The following C1QTNF9 variants were observed in gnomAD, a reference collection of about 807,000 sequenced individuals.
The protein encoded by C1QTNF9 is C1q and TNF related 9.
Under a neutral mutation model 10.1 loss-of-function variants are expected in C1QTNF9, and 6 were observed. The ratio of observed to expected loss-of-function variants is 0.59; its 90% CI spans 0.32 to 1.17. The LOEUF is 1.17. Among genes scored for constraint, C1QTNF9 ranks in the 50% most tolerant of loss-of-function variants. The pLI is 0.04. For missense variants in C1QTNF9, 201 were observed against 418.8 expected, an observed-to-expected ratio of 0.48 and a Z score of 4.54; for synonymous variants, 98 against 163.5, an observed-to-expected ratio of 0.60 and a Z score of 3.06.
chr13:24,317,646 CAT>C (rs1878092940), intron 2 of C1QTNF9, among the ~76,000 whole-genome samples: 1 of 151,996 alleles, frequency 6.6e-6, no homozygotes. Context: ...TTATACCAAA[CAT>C]ATTTTCCATA....
At chr13:24,316,595 G>T (rs1215056577) in intron 2 of C1QTNF9, among the ~76,000 whole-genome samples, 1 of 152,250 alleles carries the variant, frequency 6.6e-6, no homozygotes, top group African/African-American at 2.4e-5. Flanking sequence ...CAGCTGCAGT[G>T]CAGGTGAGAG....
intron 2 of C1QTNF9, among the ~76,000 whole-genome samples, chr13:24,317,285 A>G (rs56378411): frequency 0.14 from 19,132 of 135,808 alleles, 1,302 homozygotes; most frequent in Middle Eastern, 0.27. Context: ...GTGTGTGTGT[A>G]TTGTATTTCT....
chr13:24,317,254 A>AGT (rs10663026), intron 2 of C1QTNF9, among the ~76,000 whole-genome samples: 19,279 of 125,820 alleles, frequency 0.15, 1,738 homozygotes, highest in African/African-American at 0.31. Flanking sequence ...GGACCACAGT[A>AGT]GTGTGTGTGT....
At chr13:24,311,611 G>C (rs1877822577) in intron 1 of C1QTNF9, among the ~76,000 whole-genome samples, 1 of 152,242 alleles carries the variant, frequency 6.6e-6, no homozygotes, top group Non-Finnish European at 1.5e-5. Context: ...GACTACAGAT[G>C]TCTGCAAGCC....
chr13:24,316,684 C>T (rs1878052685), intron 2 of C1QTNF9, among the ~76,000 whole-genome samples: 1 of 152,192 alleles, frequency 6.6e-6, no homozygotes, highest in African/African-American at 2.4e-5. Context: ...TGAAACCATA[C>T]AGCTGCTGCT....
intron 1 of C1QTNF9, among the ~76,000 whole-genome samples, chr13:24,314,697 A>C (rs1877963070): frequency 6.6e-6 from 1 of 151,452 alleles, no homozygotes; most frequent in Non-Finnish European, 1.5e-5. Context: ...ACAAAACCAA[A>C]CCCAGGTGTG....
At chr13:24,311,900 C>G (rs943999074) in intron 1 of C1QTNF9, among the ~76,000 whole-genome samples, 1 of 152,174 alleles carries the variant, frequency 6.6e-6, no homozygotes, top group African/African-American at 2.4e-5. Flanking sequence ...GGAAAGGGCA[C>G]CCCCTTACCC....
chr13:24,314,819 C>A (rs1039581665), intron 1 of C1QTNF9, among the ~76,000 whole-genome samples: 4 of 150,656 alleles, frequency 2.7e-5, no homozygotes, highest in African/African-American at 9.8e-5. Flanking sequence ...CTTCAGCCTG[C>A]GTGATGGAGC....
chr13:24,308,725 C>T (rs1298288051), upstream of C1QTNF9, among the ~76,000 whole-genome samples: 2 of 151,364 alleles, frequency 1.3e-5, no homozygotes, highest in African/African-American at 4.9e-5. Context: ...ACCCGTACAC[C>T]CGGCCTCTGC....
At chr13:24,318,226 A>C (rs543477298) in intron 2 of C1QTNF9, among the ~76,000 whole-genome samples, 207 of 152,214 alleles carry the variant, frequency 1.4e-3, no homozygotes, top group African/African-American at 4.5e-3. Flanking sequence ...CAAGGACTTG[A>C]GTGTAGTCAG....
chr13:24,316,755 G>C (rs1420206925), intron 2 of C1QTNF9, among the ~76,000 whole-genome samples: 1 of 152,168 alleles, frequency 6.6e-6, no homozygotes, highest in African/African-American at 2.4e-5. Context: ...TGGGGGACAG[G>C]ATTCAGCCTC....
intron 2 of C1QTNF9, among the ~76,000 whole-genome samples, chr13:24,317,309 T>C (rs899005506): frequency 7.9e-5 from 12 of 151,836 alleles, no homozygotes; most frequent in African/African-American, 2.9e-4. Context: ...TATATAAGAT[T>C]TTCATTTTTT....
chr13:24,312,816 A>G (rs773238948), intron 1 of C1QTNF9, among the ~76,000 whole-genome samples: 10 of 151,876 alleles, frequency 6.6e-5, no homozygotes, highest in South Asian at 2.1e-4. Context: ...TTACCCGGGC[A>G]TGGTAGTGGG....
At chr13:24,317,376 A>G (rs1451311462) in intron 2 of C1QTNF9, among the ~76,000 whole-genome samples, 1 of 152,092 alleles carries the variant, frequency 6.6e-6, no homozygotes, top group Non-Finnish European at 1.5e-5. Context: ...AAAATAGAGG[A>G]CAAAGACAAA....
chr13:24,320,395 T>C (rs1878206911), intron 3 of C1QTNF9, among the ~76,000 whole-genome samples: 1 of 151,966 alleles, frequency 6.6e-6, no homozygotes, highest in Admixed American at 6.6e-5. Context: ...TTTATTTTTA[T>C]TTTTTTTGAG....
At chr13:24,321,883 T>C (rs1878290461) in exon 4 of C1QTNF9, 1 of 1,384,838 alleles carries the variant, frequency 7.2e-7, no homozygotes, top group African/African-American at 1.5e-5. Context: ...CATAAAAAGG[T>C]GAAAATGGAA....
chr13:24,312,213 T>C (rs1416359475), intron 1 of C1QTNF9, among the ~76,000 whole-genome samples: 2 of 152,236 alleles, frequency 1.3e-5, no homozygotes, highest in East Asian at 3.8e-4. Context: ...CTGCATTGAT[T>C]CATTCAACAA....
At chr13:24,315,204 C>G (rs909603278) in intron 1 of C1QTNF9, among the ~76,000 whole-genome samples, 1 of 152,148 alleles carries the variant, frequency 6.6e-6, no homozygotes, top group African/African-American at 2.4e-5. Context: ...CAAACAACTC[C>G]CATTTCCTTC....
upstream of C1QTNF9, among the ~76,000 whole-genome samples, chr13:24,308,604 G>C (rs1412187104): frequency 6.6e-6 from 1 of 152,244 alleles, no homozygotes; most frequent in African/African-American, 2.4e-5. Flanking sequence ...GCGCCGCCGA[G>C]CTGGGGCGAG....
Sources: allele counts gnomAD v4.1 joint callset (sites outside exome capture counted in the v4.1 genomes callset), GRCh38; gene constraint gnomAD v4.1.1; transcripts MANE v1.5; gene names NCBI Gene and HGNC (gene_info 2026-07-23, HGNC 2026-07-21).